Variants in ABAT observed in about 807,000 individuals in gnomAD.
ABAT encodes the protein 4-aminobutyrate aminotransferase, also known as 4-aminobutyrate aminotransferase, mitochondrial.
ABAT carries 45 observed loss-of-function variants against 64.6 expected under a neutral mutation model. That is an observed-to-expected ratio of 0.70 (90% CI 0.55 to 0.89). ABAT has a LOEUF of 0.89. Ranked by LOEUF, ABAT falls within the 40% of genes least tolerant of loss-of-function variation. The pLI is 0.00. For synonymous variants in ABAT, 297 were observed against 250.5 expected (o/e 1.19, Z -1.75); for missense variants, 633 against 658.4 (o/e 0.96, Z 0.42).
intron 15 of ABAT, among the ~76,000 whole-genome samples, 157 bp downstream of exon 15, chr16:8,779,747 C>T (rs899792275): frequency 3.3e-5 from 5 of 152,142 alleles, no homozygotes; most frequent in Non-Finnish European, 4.4e-5. Flanking sequence ...AAGAAGAGAA[C>T]ATTACAAATG....
At chr16:8,738,450 T>G (rs1248642635) in intron 2 of ABAT, 1 of 455,836 alleles carries the variant, frequency 2.2e-6, no homozygotes, top group African/African-American at 2.0e-5. Context: ...CAGGATCCAA[T>G]CCAGGTACAC....
chr16:8,684,253 G>A (rs2057400550), intron 1 of ABAT, among the ~76,000 whole-genome samples: 2 of 152,100 alleles, frequency 1.3e-5, no homozygotes, highest in African/African-American at 4.8e-5. Flanking sequence ...TTCATAGGAA[G>A]CCGTTCCAAG....
chr16:8,739,363 C>A (rs889444885), intron 2 of ABAT, among the ~76,000 whole-genome samples: 2 of 152,204 alleles, frequency 1.3e-5, no homozygotes, highest in African/African-American at 4.8e-5. Context: ...GTTTTCTCAT[C>A]AGGAAAACGG....
In ABAT at chr16:8,768,219, C is replaced by T. The variant is rs2060001770; in HGVS notation, c.630C>T (p.Ile210=). 2.5e-6 allele frequency: 4 copies of T among 1,614,116 alleles called. No individual in the cohort carries two copies. Among genetic ancestry groups the T allele is most frequent in the Middle Eastern group, 3.3e-4 (2 of 6,022 alleles). Residue 210 remains isoleucine (I), a synonymous_variant, in exon 10 of 16, where the codon ATC becomes ATT. Transcript: ENST00000268251. ...NQAPGCPDYS[I]LSFMGAFHGR... ...CCCCTGGCTGCCCCGACTACAGCAT[C>T]CTCTCCTTCATGGGCGCGTTCCATG...
chr16:8,693,623 G>A (rs114992211), intron 1 of ABAT, among the ~76,000 whole-genome samples: 5 of 152,060 alleles, frequency 3.3e-5, no homozygotes, highest in Admixed American at 3.3e-4. Flanking sequence ...CATGTGCCAT[G>A]ATACTGGGCT....
chr16:8,690,858 A>T (rs1460476947), intron 1 of ABAT, among the ~76,000 whole-genome samples: 1 of 152,190 alleles, frequency 6.6e-6, no homozygotes, highest in Non-Finnish European at 1.5e-5. Flanking sequence ...AACATAGCGG[A>T]CAGGATTGAT....
At chr16:8,727,715 G>C (rs1404322530) in intron 1 of ABAT, among the ~76,000 whole-genome samples, 1 of 152,126 alleles carries the variant, frequency 6.6e-6, no homozygotes, top group East Asian at 1.9e-4. Context: ...ATAGTTCTCT[G>C]CCACTAAATT....
intron 1 of ABAT, among the ~76,000 whole-genome samples, chr16:8,703,432 G>A (rs187290448): frequency 1.3e-4 from 20 of 152,036 alleles, no homozygotes; most frequent in African/African-American, 4.6e-4. Flanking sequence ...CTCCAGCCTG[G>A]GTGACAGACA....
At chr16:8,681,450 C>T (rs1026447345) in intron 1 of ABAT, among the ~76,000 whole-genome samples, 2 of 138,912 alleles carry the variant, frequency 1.4e-5, no homozygotes, top group Admixed American at 7.5e-5. Context: ...AGTTTCTCAG[C>T]CTCTACACTT....
chr16:8,687,376 A>G (rs1225372397), intron 1 of ABAT, among the ~76,000 whole-genome samples: 1 of 152,094 alleles, frequency 6.6e-6, no homozygotes, highest in Non-Finnish European at 1.5e-5. Flanking sequence ...TACAAAAAAA[A>G]TTAGCTGGGT....
In ABAT at chr16:8,764,444, T is replaced by C. The variant is rs151056111; in HGVS notation, c.448-294T>C. On this transcript the variant is annotated intron_variant, in intron 7 of 15. Coordinates refer to ENST00000268251, the MANE Select transcript of ABAT (RefSeq NM_020686.6). The surrounding 1 kb of genome is among the most constrained non-coding windows in gnomAD (Gnocchi z 4.2). ...TAGTTACTACAAACGATTAAAGCCA[T>C]TGGGAGCCTCAACGTCCCGCCTGGA... 2.9e-3 allele frequency among the ~76,000 whole-genome samples: 441 copies of C among 152,296 alleles called. 1 individual carries two copies. Among genetic ancestry groups the C allele is most frequent in the African/African-American group, 0.01 (427 of 41,576 alleles).
chr16:8,730,867 C>T (rs764812698), intron 1 of ABAT, among the ~76,000 whole-genome samples: 4 of 152,188 alleles, frequency 2.6e-5, no homozygotes, highest in Non-Finnish European at 5.9e-5. Context: ...CTTGCTGTGT[C>T]CTGGGTAAAC....
chr16:8,721,968 C>T (rs568059050), intron 1 of ABAT, among the ~76,000 whole-genome samples: 54 of 152,356 alleles, frequency 3.5e-4, no homozygotes, highest in African/African-American at 1.3e-3. Flanking sequence ...GAACTTACTT[C>T]AGGCCCACTG....
In ABAT at chr16:8,774,927, G is replaced by A; in HGVS notation, c.992G>A (p.Gly331Glu). Residue 331 changes from glycine to glutamate, a missense_variant, in exon 13 of 16, where the codon GGA becomes GAA. Physicochemically the swap from Gly to Glu is moderately conservative, Grantham distance 98. Transcript: ENST00000268251. ...CAFLVDEVQT[G>E]GGCTGKFWAH... ...TTCTTGGTGGACGAGGTCCAGACCG[G>A]AGGAGGCTGCACGGGCAAGTTCTGG... The A allele has an allele frequency of 1.2e-6, 2 of 1,614,152 alleles. No homozygotes were observed. Among genetic ancestry groups the A allele is most frequent in the Non-Finnish European group, 1.7e-6 (2 of 1,180,008 alleles).
intron 1 of ABAT, chr16:8,713,808 A>T: frequency 2.2e-6 from 1 of 455,128 alleles, no homozygotes; most frequent in Non-Finnish European, 4.4e-6. Flanking sequence ...AATGGCATAC[A>T]GAAGGCATTT....
chr16:8,724,746 C>CAAAAAA (rs869130725), intron 1 of ABAT, among the ~76,000 whole-genome samples: 3 of 6,586 alleles, frequency 4.6e-4, no homozygotes, highest in African/African-American at 1.3e-3. Flanking sequence ...AAAAAAAAAA[C>CAAAAAA]AAAAAAAAAA....
intron 11 of ABAT, among the ~76,000 whole-genome samples, chr16:8,771,412 T>C (rs1273415): frequency 0.93 from 140,279 of 151,084 alleles, 65,604 homozygotes; most frequent in East Asian, 1. Context: ...TTGTACATAA[T>C]AAAGAAAGCT....
At chr16:8,721,098 A>G (rs555776999) in intron 1 of ABAT, among the ~76,000 whole-genome samples, 1 of 152,232 alleles carries the variant, frequency 6.6e-6, no homozygotes, top group Non-Finnish European at 1.5e-5. Flanking sequence ...AGATCAGGAA[A>G]CTGAGGCACA....
chr16:8,687,630 C>T (rs1030847736), intron 1 of ABAT, among the ~76,000 whole-genome samples: 7 of 152,194 alleles, frequency 4.6e-5, no homozygotes, highest in Admixed American at 1.3e-4. Context: ...AGATCATTTG[C>T]GGGTCATCCA....
Sources: gnomAD v4.1 joint callset for allele counts (sites outside exome capture counted in the v4.1 genomes callset) on GRCh38, gnomAD v4.1.1 for gene constraint, Gnocchi (gnomAD v3.1) non-coding constraint, MANE v1.5 for transcripts, NCBI Gene and HGNC (gene_info 2026-07-23, HGNC 2026-07-21) for gene names.